The following PDE1A variants were observed in gnomAD, a reference collection of about 807,000 sequenced individuals.
The protein encoded by PDE1A is phosphodiesterase 1A.
PDE1A carries 35 observed loss-of-function variants against 61.7 expected under a neutral mutation model. The observed-to-expected ratio is 0.57, with a 90% CI of 0.43 to 0.75. PDE1A has a LOEUF of 0.75. Ranked by LOEUF, PDE1A falls within the 30% of genes least tolerant of loss-of-function variation. PDE1A has a pLI of 0.00. For synonymous variants in PDE1A, 232 were observed against 213.2 expected, an observed-to-expected ratio of 1.09 and a Z score of -0.77; for missense variants, 597 against 630.6, an observed-to-expected ratio of 0.95 and a Z score of 0.57.
intron 1 of PDE1A, among the ~76,000 whole-genome samples, chr2:182,292,058 CTGTAT>C (rs1559302449): frequency 1.3e-5 from 2 of 152,002 alleles, no homozygotes; most frequent in Non-Finnish European, 2.9e-5. Flanking sequence ...ATCTATAAAA[CTGTAT>C]TGCCAACTTG....
chr2:182,256,106 T>C (rs1163140096), intron 2 of PDE1A, among the ~76,000 whole-genome samples: 1 of 148,262 alleles, frequency 6.7e-6, no homozygotes, highest in Non-Finnish European at 1.5e-5. Flanking sequence ...TTATTATACT[T>C]TAAGTTTTAG....
intron 1 of PDE1A, among the ~76,000 whole-genome samples, chr2:182,419,522 A>C (rs187972443): frequency 6.6e-6 from 1 of 151,914 alleles, no homozygotes; most frequent in East Asian, 1.9e-4. Context: ...CTCATTCTTT[A>C]ATAAGGATTA....
the PDE1A span, among the ~76,000 whole-genome samples, chr2:182,616,231 C>T: frequency 6.6e-6 from 1 of 152,114 alleles, no homozygotes; most frequent in Non-Finnish European, 1.5e-5. Flanking sequence ...ACTTTTGGAG[C>T]CTATGGCAAA....
At chr2:182,408,311 G>A (rs1702420379) in intron 1 of PDE1A, among the ~76,000 whole-genome samples, 1 of 152,056 alleles carries the variant, frequency 6.6e-6, no homozygotes, top group Non-Finnish European at 1.5e-5. Flanking sequence ...GACAGATGTG[G>A]TTTTCAATCT....
upstream of PDE1A, among the ~76,000 whole-genome samples, chr2:182,427,695 C>A (rs1703702091): frequency 6.6e-6 from 1 of 152,128 alleles, no homozygotes; most frequent in Admixed American, 6.6e-5. Context: ...CAGATTTACA[C>A]TGCGGGAACT....
chr2:182,491,263 G>A (rs1417553099), intron 2 of PDE1A, among the ~76,000 whole-genome samples: 1 of 152,156 alleles, frequency 6.6e-6, no homozygotes, highest in Non-Finnish European at 1.5e-5. Flanking sequence ...AGCATGAAAT[G>A]ATCAGAGTGG....
At chr2:182,145,591 T>TG (rs1203901821), downstream of PDE1A, among the ~76,000 whole-genome samples, 2 of 151,824 alleles carry the variant, frequency 1.3e-5, no homozygotes, top group African/African-American at 4.8e-5. Flanking sequence ...TAGCCAGGCT[T>TG]GGGGGTGGGT....
At chr2:182,379,359 T>C (rs1010500965) in intron 1 of PDE1A, among the ~76,000 whole-genome samples, 1 of 152,248 alleles carries the variant, frequency 6.6e-6, no homozygotes, top group African/African-American at 2.4e-5. Flanking sequence ...CAAATGTCAG[T>C]TTCTTTCAAA....
At chr2:182,321,820 T>C (rs969440493) in intron 1 of PDE1A, among the ~76,000 whole-genome samples, 2 of 152,168 alleles carry the variant, frequency 1.3e-5, no homozygotes, top group African/African-American at 4.8e-5. Flanking sequence ...CAAATTTGCA[T>C]GTTTTATAGC....
At chr2:182,573,608 T>C in the PDE1A span, among the ~76,000 whole-genome samples, 3 of 151,990 alleles carry the variant, frequency 2.0e-5, no homozygotes, top group South Asian at 6.2e-4. Flanking sequence ...GATGATGATA[T>C]TCATATATTA....
chr2:182,435,115 T>C (rs1393831708), intron 2 of PDE1A, among the ~76,000 whole-genome samples: 1 of 152,000 alleles, frequency 6.6e-6, no homozygotes, highest in Non-Finnish European at 1.5e-5. Context: ...ATCAAAAAAC[T>C]TCCTATAAGT....
At chr2:182,437,380 T>A (rs1336899524) in intron 2 of PDE1A, among the ~76,000 whole-genome samples, 1 of 151,960 alleles carries the variant, frequency 6.6e-6, no homozygotes, top group Non-Finnish European at 1.5e-5. Context: ...TAATTAAAAC[T>A]CTCTACCTTT....
intron 4 of PDE1A, among the ~76,000 whole-genome samples, chr2:182,233,882 T>C (rs1157601039): frequency 1.3e-5 from 2 of 152,036 alleles, no homozygotes; most frequent in Non-Finnish European, 2.9e-5. Context: ...ATTTCTAACA[T>C]ATGTAGCGCT....
chr2:182,529,534 TA>T, the PDE1A span, among the ~76,000 whole-genome samples: 1 of 152,196 alleles, frequency 6.6e-6, no homozygotes, highest in African/African-American at 2.4e-5. Flanking sequence ...TGAAATGAGT[TA>T]ATACTTTGGG....
At chr2:182,481,451 T>A (rs1193483891) in intron 2 of PDE1A, among the ~76,000 whole-genome samples, 1 of 151,898 alleles carries the variant, frequency 6.6e-6, no homozygotes. Context: ...GACTATGAAG[T>A]CTGAAGTGAA....
chr2:182,521,912 ATTT>A (rs1690591882), intron 2 of PDE1A, among the ~76,000 whole-genome samples: 1 of 152,120 alleles, frequency 6.6e-6, no homozygotes, highest in African/African-American at 2.4e-5. Context: ...TATCAGTCTT[ATTT>A]CTCTCTCTGC....
chr2:182,594,134 C>T, the PDE1A span, among the ~76,000 whole-genome samples: 10 of 152,130 alleles, frequency 6.6e-5, no homozygotes, highest in Admixed American at 3.9e-4. Context: ...CTTTTCAAAG[C>T]CTATATCATG....
chr2:182,461,822 C>T (rs1228427974), intron 2 of PDE1A, among the ~76,000 whole-genome samples: 1 of 152,172 alleles, frequency 6.6e-6, no homozygotes, highest in Non-Finnish European at 1.5e-5. Flanking sequence ...CAGTAAGCCT[C>T]ATCCTCATGG....
chr2:182,556,456 T>C, the PDE1A span, among the ~76,000 whole-genome samples: 2 of 152,148 alleles, frequency 1.3e-5, no homozygotes, highest in South Asian at 4.1e-4. Context: ...TGCACAAGTG[T>C]CTTAAAAATA....
Sources: gnomAD v4.1 joint callset for allele counts (sites outside exome capture counted in the v4.1 genomes callset) on GRCh38, gnomAD v4.1.1 for gene constraint, MANE v1.5 for transcripts, NCBI Gene and HGNC (gene_info 2026-07-23, HGNC 2026-07-21) for gene names.